LINGO2: variants seen among roughly 807,000 people sequenced by gnomAD.
LINGO2 encodes the protein leucine rich repeat and Ig domain containing 2, also known as leucine-rich repeat and immunoglobulin-like domain-containing nogo receptor-interacting protein 2.
In LINGO2, 14 loss-of-function variants were observed where a neutral mutation model predicts 30.6. That is an observed-to-expected ratio of 0.46 (90% CI 0.30 to 0.72). The LOEUF is 0.72. Ranked by LOEUF, LINGO2 falls within the 30% of genes least tolerant of loss-of-function variation. The probability of loss-of-function intolerance (pLI) is 0.07; values close to 1 mark genes in which losing one functional copy is unlikely to be tolerated. For synonymous variants in LINGO2, 317 were observed against 288.5 expected (o/e 1.10, Z -1.00); for missense variants, 729 against 751.7 (o/e 0.97, Z 0.35).
At chr9:28,432,670 C>T (rs1038711748) in intron 2 of LINGO2, among the ~76,000 whole-genome samples, 16 of 152,030 alleles carry the variant, frequency 1.1e-4, no homozygotes, top group African/African-American at 3.6e-4. Flanking sequence ...AATTCTGTCT[C>T]TATTTTCTTT....
At chr9:28,234,020 A>G (rs1821468382) in intron 4 of LINGO2, among the ~76,000 whole-genome samples, 2 of 152,154 alleles carry the variant, frequency 1.3e-5, no homozygotes, top group Admixed American at 6.5e-5. Context: ...TATGGTGGCT[A>G]TAGTGAAAGA....
chr9:29,200,644 A>T, the LINGO2 span, among the ~76,000 whole-genome samples: 2 of 152,228 alleles, frequency 1.3e-5, no homozygotes, highest in South Asian at 4.1e-4. Flanking sequence ...TTACATAAGT[A>T]TGGTACATTC....
the LINGO2 span, among the ~76,000 whole-genome samples, chr9:29,143,362 A>C: frequency 1.3e-5 from 2 of 152,138 alleles, no homozygotes; most frequent in Non-Finnish European, 2.9e-5. Flanking sequence ...TAACAAAAAC[A>C]ATCTTGGAAG....
chr9:29,191,320 G>C, the LINGO2 span, among the ~76,000 whole-genome samples: 4 of 152,224 alleles, frequency 2.6e-5, no homozygotes, highest in African/African-American at 9.6e-5. Flanking sequence ...GTGAACTTAA[G>C]AATTTCTAAC....
At chr9:29,047,130 A>T in the LINGO2 span, among the ~76,000 whole-genome samples, 1 of 152,018 alleles carries the variant, frequency 6.6e-6, no homozygotes, top group South Asian at 2.1e-4. Flanking sequence ...GGGTGAAAAT[A>T]TTAGCAACCT....
chr9:28,688,856 C>G, the LINGO2 span, among the ~76,000 whole-genome samples: 3 of 152,074 alleles, frequency 2.0e-5, no homozygotes, highest in Admixed American at 6.6e-5. Flanking sequence ...GTGCACATAA[C>G]GTCCTATAAT....
At chr9:28,769,441 T>C in the LINGO2 span, among the ~76,000 whole-genome samples, 1 of 130,212 alleles carries the variant, frequency 7.7e-6, no homozygotes, top group Non-Finnish European at 1.6e-5. Flanking sequence ...CCATTTAATT[T>C]TCCCTGTCCC....
chr9:29,000,818 T>G, the LINGO2 span, among the ~76,000 whole-genome samples: 1 of 151,960 alleles, frequency 6.6e-6, no homozygotes. Context: ...GCAAAGACTC[T>G]GTATTAAGGT....
intron 4 of LINGO2, among the ~76,000 whole-genome samples, chr9:28,094,717 A>C (rs1310179366): frequency 6.6e-6 from 1 of 152,102 alleles, no homozygotes; most frequent in Admixed American, 6.6e-5. Flanking sequence ...CAAGTGTTCA[A>C]TTTTCATGTC....
chr9:28,590,348 T>G (rs1434037243), intron 1 of LINGO2, among the ~76,000 whole-genome samples: 102 of 152,086 alleles, frequency 6.7e-4, no homozygotes, highest in Non-Finnish European at 2.2e-4. Context: ...CAAAAGAAAC[T>G]ACCATCAGAG....
rs531632533 is a variant in LINGO2 at position 28,435,737 on chromosome 9, T to A, written c.-279+40203A>T. 2.0e-5 allele frequency among the ~76,000 whole-genome samples: 3 copies of A among 152,268 alleles called. No homozygotes were observed. The East Asian group carries it at 5.8e-4, about 29-fold the overall frequency. On this transcript the variant is annotated intron_variant, in intron 2 of 5. Coordinates refer to ENST00000379992, the Ensembl canonical transcript of LINGO2. ...AGTAGCTCTCTCCTTGGAGAATGAG[T>A]ATCAGACTAAGAAGGAAAGTGATAT...
At chr9:28,041,137 C>T (rs1824178892) in intron 4 of LINGO2, among the ~76,000 whole-genome samples, 1 of 150,842 alleles carries the variant, frequency 6.6e-6, no homozygotes, top group Non-Finnish European at 1.5e-5. Flanking sequence ...AATGTTCCCT[C>T]AAAAGAGATC....
chr9:28,763,921 T>C, the LINGO2 span, among the ~76,000 whole-genome samples: 10,805 of 151,762 alleles, frequency 0.071, 1,364 homozygotes, highest in African/African-American at 0.24. Context: ...GAATAACCTA[T>C]AGCAAATGAA....
the LINGO2 span, chr9:28,889,097 G>T: frequency 2.8e-6 from 1 of 357,076 alleles, no homozygotes. Flanking sequence ...CAGTTTTGTG[G>T]GCATCCCAGA....
chr9:28,641,325 C>T lies in LINGO2; in HGVS notation c.-365+28875G>A, dbSNP rs145874165. 9.5e-3 allele frequency among the ~76,000 whole-genome samples: 1,441 copies of T among 152,168 alleles called. 28 individuals carry two copies. The highest frequency in any genetic ancestry group is 0.033 in the African/African-American group (1,353 of 41,520). ...TGCTAGGATTACAGGCGTGAGCCACCGCGCCCGGCCTCAGAGGTTTTAAAG... is the reference window on the plus strand; with the variant it reads ...TGCTAGGATTACAGGCGTGAGCCACTGCGCCCGGCCTCAGAGGTTTTAAAG... On this transcript the variant is annotated intron_variant, in intron 1 of 5. Coordinates refer to ENST00000379992, the Ensembl canonical transcript of LINGO2.
At chr9:29,187,069 C>T in the LINGO2 span, among the ~76,000 whole-genome samples, 1 of 152,126 alleles carries the variant, frequency 6.6e-6, no homozygotes, top group African/African-American at 2.4e-5. Flanking sequence ...TGTACCAACT[C>T]ACAAAGCTAG....
intron 4 of LINGO2, among the ~76,000 whole-genome samples, chr9:28,088,648 G>GT (rs1181113489): frequency 2.6e-5 from 4 of 152,084 alleles, no homozygotes; most frequent in Middle Eastern, 3.2e-3. Flanking sequence ...TGAAGAAACT[G>GT]TATCAACTAA....
intron 1 of LINGO2, among the ~76,000 whole-genome samples, chr9:28,594,411 A>G (rs957160844): frequency 8.5e-5 from 13 of 152,080 alleles, no homozygotes; most frequent in African/African-American, 3.1e-4. Flanking sequence ...CATTTGGTTT[A>G]GAGATTCTTT....
the LINGO2 span, among the ~76,000 whole-genome samples, chr9:29,011,778 C>T: frequency 6.5e-3 from 990 of 152,162 alleles, 14 homozygotes; most frequent in African/African-American, 0.023. Context: ...TCATTAACCC[C>T]GAATTTATTA....
Sources: allele counts gnomAD v4.1 joint callset (sites outside exome capture counted in the v4.1 genomes callset), GRCh38; gene constraint gnomAD v4.1.1; transcripts MANE v1.5; gene names NCBI Gene and HGNC (gene_info 2026-07-23, HGNC 2026-07-21).